Variants in SAMD3 observed in about 807,000 individuals in gnomAD.
SAMD3 encodes the protein sterile alpha motif domain containing 3, also known as sterile alpha motif domain-containing protein 3.
SAMD3 carries 63 observed loss-of-function variants against 58.5 expected under a neutral mutation model. The observed-to-expected ratio is 1.08, with a 90% confidence interval of 0.88 to 1.33. SAMD3 has a LOEUF of 1.33. SAMD3 is among the 40% of genes most tolerant of loss of function. SAMD3 has a pLI of 0.00. For missense variants in SAMD3, 604 were observed against 608.4 expected (o/e 0.99, Z 0.08); for synonymous variants, 220 against 210.3 (o/e 1.05, Z -0.40).
At chr6:130,186,639 C>T (rs758308342) in intron 5 of SAMD3, among the ~76,000 whole-genome samples, 1 of 152,116 alleles carries the variant, frequency 6.6e-6, no homozygotes, top group Non-Finnish European at 1.5e-5. Context: ...TCACAATCCT[C>T]ATTTTCTTCC....
intron 5 of SAMD3, among the ~76,000 whole-genome samples, chr6:130,196,296 C>T (rs972505450): frequency 5.9e-5 from 9 of 152,160 alleles, no homozygotes; most frequent in African/African-American, 1.9e-4. Flanking sequence ...GATTCATATA[C>T]TTTCTGCTCC....
intron 1 of SAMD3, among the ~76,000 whole-genome samples, chr6:130,331,557 C>A (rs1776933916): frequency 1.3e-5 from 2 of 151,934 alleles, no homozygotes; most frequent in African/African-American, 4.8e-5. Context: ...CCCGTCTCTA[C>A]TAAAAAAATA....
chr6:130,286,926 T>C (rs1265018075), intron 2 of SAMD3, among the ~76,000 whole-genome samples: 1 of 152,148 alleles, frequency 6.6e-6, no homozygotes, highest in African/African-American at 2.4e-5. Context: ...CCCAGACTGG[T>C]CTCAAACTCC....
chr6:130,313,232 G>A (rs1239339846), intron 1 of SAMD3: 1 of 152,252 alleles, frequency 6.6e-6, no homozygotes, highest in Non-Finnish European at 1.5e-5. Flanking sequence ...GCACTGTCAT[G>A]GTGCAGGATT....
At chr6:130,311,499 C>T (rs962151986) in intron 2 of SAMD3, among the ~76,000 whole-genome samples, 1 of 152,042 alleles carries the variant, frequency 6.6e-6, no homozygotes, top group Admixed American at 6.6e-5. Context: ...GCGTGAGGAC[C>T]CTACATTTTT....
intron 1 of SAMD3, among the ~76,000 whole-genome samples, chr6:130,344,570 T>C (rs1410680409): frequency 6.6e-6 from 1 of 152,064 alleles, no homozygotes; most frequent in East Asian, 1.9e-4. Flanking sequence ...TTAATAAAGA[T>C]GGGGATTCGC....
chr6:130,148,474 G>A (rs921392725), intron 9 of SAMD3, among the ~76,000 whole-genome samples: 3 of 152,158 alleles, frequency 2.0e-5, no homozygotes, highest in Non-Finnish European at 2.9e-5. Context: ...GTCTTGACTC[G>A]TCTTGGTTTG....
intron 1 of SAMD3, chr6:130,221,854 G>GA (rs1224752479): frequency 1.3e-5 from 2 of 151,716 alleles, no homozygotes; most frequent in South Asian, 4.2e-4. Flanking sequence ...TACACCAATA[G>GA]AAAAAAATAG....
chr6:130,248,990 T>C (rs1386423315), intron 2 of SAMD3, among the ~76,000 whole-genome samples: 1 of 152,188 alleles, frequency 6.6e-6, no homozygotes, highest in Non-Finnish European at 1.5e-5. Context: ...GGGCTCAATA[T>C]CACTTTTAAA....
chr6:130,269,291 T>C (rs1364885406), intron 2 of SAMD3, among the ~76,000 whole-genome samples: 1 of 152,214 alleles, frequency 6.6e-6, no homozygotes, highest in Non-Finnish European at 1.5e-5. Flanking sequence ...TTCTAGGTTC[T>C]CTATTCTTTT....
intron 2 of SAMD3, among the ~76,000 whole-genome samples, chr6:130,254,779 G>A (rs1773869221): frequency 6.6e-6 from 1 of 152,208 alleles, no homozygotes; most frequent in Non-Finnish European, 1.5e-5. Context: ...CATAAAAGGA[G>A]TGTCAAAGTA....
chr6:130,186,740 G>A (rs1792999999), intron 5 of SAMD3, among the ~76,000 whole-genome samples: 1 of 139,210 alleles, frequency 7.2e-6, no homozygotes, highest in South Asian at 2.4e-4. Context: ...GGCCAGTTTT[G>A]TTGGATGTCT....
chr6:130,290,591 A>G (rs2114962306), intron 2 of SAMD3, among the ~76,000 whole-genome samples: 1 of 152,358 alleles, frequency 6.6e-6, no homozygotes, highest in Middle Eastern at 3.4e-3. Context: ...CAGCATTAAG[A>G]TGAATATCTG....
In SAMD3 at chr6:130,144,394, AT is replaced by A; in HGVS notation, c.*125del. The A allele has an allele frequency of 1.3e-6, 1 of 794,528 alleles. No homozygotes were observed. The highest frequency in any genetic ancestry group is 2.7e-5 in the East Asian group (1 of 37,450). 49.2% of individuals were successfully genotyped at this position (794,528 alleles called of 1,614,324 possible). ...GTAAAGATAGAAAGCATTGAAATTCATTAGCATCTATAAATACAAGATGATT... is the reference window on the plus strand; with the variant it reads ...GTAAAGATAGAAAGCATTGAAATTCATAGCATCTATAAATACAAGATGATT... On this transcript the variant is annotated 3_prime_UTR_variant, in exon 12 of 12. Transcript: ENST00000439090.
chr6:130,143,070 C>CT (rs1030726587), downstream of SAMD3: 1 of 152,172 alleles, frequency 6.6e-6, no homozygotes, highest in Admixed American at 6.5e-5. Flanking sequence ...GGCAACTGTT[C>CT]TTTGACTTCT....
chr6:130,215,782 A>G, intron 2 of SAMD3: 2 of 1,530,272 alleles, frequency 1.3e-6, no homozygotes, highest in South Asian at 2.4e-5. Context: ...TTAACCCCTT[A>G]GTAGACTGGT....
At chr6:130,183,207 A>C in intron 7 of SAMD3, 1 of 371,676 alleles carries the variant, frequency 2.7e-6, no homozygotes, top group Non-Finnish European at 5.1e-6. Context: ...ATCTCTAGGA[A>C]TCCTAATGTG....
chr6:130,202,299 A>T (rs1242424210), intron 5 of SAMD3, among the ~76,000 whole-genome samples: 1 of 152,234 alleles, frequency 6.6e-6, no homozygotes, highest in Non-Finnish European at 1.5e-5. Context: ...ATACATGTAC[A>T]TGCACACACT....
chr6:130,285,380 C>T (rs1775120280), intron 2 of SAMD3, among the ~76,000 whole-genome samples: 1 of 151,994 alleles, frequency 6.6e-6, no homozygotes, highest in Non-Finnish European at 1.5e-5. Context: ...GAGAATCAAG[C>T]AAATAAAATC....
Sources: gnomAD v4.1 joint callset for allele counts (sites outside exome capture counted in the v4.1 genomes callset) on GRCh38, gnomAD v4.1.1 for gene constraint, MANE v1.5 for transcripts, NCBI Gene and HGNC (gene_info 2026-07-23, HGNC 2026-07-21) for gene names.